SYT9: variants seen among roughly 807,000 people sequenced by gnomAD.
SYT9 encodes the protein synaptotagmin-9.
In SYT9, 22 loss-of-function variants were observed where a neutral mutation model predicts 48.4. The observed-to-expected ratio is 0.45, with a 90% CI of 0.32 to 0.65. The LOEUF is 0.65. Among genes scored for constraint, SYT9 ranks in the 30% least tolerant of loss-of-function variants. SYT9 has a pLI of 0.03. For synonymous variants in SYT9, 265 were observed against 245.0 expected (o/e 1.08, Z -0.76); for missense variants, 577 against 622.0 (o/e 0.93, Z 0.77).
intron 3 of SYT9, among the ~76,000 whole-genome samples, chr11:7,326,640 T>C (rs1564863481): frequency 6.9e-6 from 1 of 144,398 alleles, no homozygotes; most frequent in African/African-American, 2.6e-5. Flanking sequence ...AGAACAAAGC[T>C]GGAGGCATCA....
At chr11:7,432,574 AAAAAAAAAATATATATACATAT>A (rs1564901979) in intron 6 of SYT9, among the ~76,000 whole-genome samples, 11 of 12,628 alleles carry the variant, frequency 8.7e-4, no homozygotes, top group African/African-American at 3.1e-3. Context: ...AAAAAAAAAA[AAAAAAAAAATATATATACATAT>A]ATATATATAT....
intron 5 of SYT9, among the ~76,000 whole-genome samples, chr11:7,418,560 A>G (rs1847293890): frequency 6.6e-6 from 1 of 152,254 alleles, no homozygotes; most frequent in Non-Finnish European, 1.5e-5. Context: ...ATTTCCAAAT[A>G]CATAACTTCA....
rs141181404 is a variant in SYT9, at chr11:7,271,159, C to T, written c.145+18828C>T. Among the ~76,000 whole-genome samples the T allele has an allele frequency of 7.9e-5, 12 of 152,174 alleles. No homozygotes were observed. The East Asian group carries it at 2.3e-3, about 29-fold the overall frequency. ...GAAGTTTGGGAAAAGATGGAGAACA[C>T]ATTTTTTCAATATAAAATAATATAA... On this transcript the variant is annotated intron_variant, in intron 1 of 6. Transcript: ENST00000318881.
At chr11:7,254,121 C>T (rs1847922051) in intron 1 of SYT9, among the ~76,000 whole-genome samples, 1 of 152,178 alleles carries the variant, frequency 6.6e-6, no homozygotes, top group South Asian at 2.1e-4. Context: ...GAGAAAGAGT[C>T]ACTAAGTAGG....
chr11:7,401,236 G>A (rs1250360855), intron 3 of SYT9, among the ~76,000 whole-genome samples: 2 of 151,630 alleles, frequency 1.3e-5, no homozygotes, highest in Non-Finnish European at 2.9e-5. Flanking sequence ...ATGCGTGTAA[G>A]ATATATCTGA....
intron 1 of SYT9, among the ~76,000 whole-genome samples, chr11:7,266,085 T>C (rs1024473071): frequency 6.6e-6 from 1 of 152,144 alleles, no homozygotes; most frequent in African/African-American, 2.4e-5. Context: ...GTTAAACATA[T>C]TTCCATTCTT....
intron 3 of SYT9, among the ~76,000 whole-genome samples, chr11:7,329,261 A>G (rs557890902): frequency 6.6e-6 from 1 of 152,042 alleles, no homozygotes; most frequent in Non-Finnish European, 1.5e-5. Flanking sequence ...ATTTCTTTAC[A>G]TCTGTTTTTG....
Position 7,303,350 on chromosome 11 carries a change from C to T in SYT9, c.457C>T (p.Arg153Cys), listed in dbSNP as rs202241519. 3.4e-5 allele frequency: 55 copies of T among 1,612,368 alleles called. No individual in the cohort carries two copies. The East Asian group carries it at 3.8e-4, about 11-fold the overall frequency. The change falls in exon 2 of 7, where the codon CGC (arginine) becomes TGC (cysteine). Residue 153 changes from arginine (R) to cysteine (C), a missense_variant. Transcript: ENST00000318881. ...CCAGGAGAACTGTGCCCATGGCGTC[C>T]GCGTGCAGCGCCAAGTCACAGAGCC... ...GIQENCAHGV[R>C]VQRQVTEPTS...
chr11:7,433,588 C>T (rs1847650368), intron 6 of SYT9, among the ~76,000 whole-genome samples: 1 of 152,162 alleles, frequency 6.6e-6, no homozygotes, highest in Non-Finnish European at 1.5e-5. Context: ...ACCTAATCCC[C>T]AATGTGCTGG....
intron 3 of SYT9, among the ~76,000 whole-genome samples, chr11:7,362,240 G>A (rs1046246739): frequency 1.3e-5 from 2 of 151,250 alleles, no homozygotes; most frequent in African/African-American, 4.9e-5. Flanking sequence ...CACCTCCTGG[G>A]TTCAAGTGAT....
chr11:7,346,698 T>C (rs1849806637), intron 3 of SYT9, among the ~76,000 whole-genome samples: 1 of 152,224 alleles, frequency 6.6e-6, no homozygotes, highest in Non-Finnish European at 1.5e-5. Context: ...TTTAAAATGT[T>C]TTACTTTTCA....
chr11:7,318,857 G>A (rs1284682222), intron 3 of SYT9, among the ~76,000 whole-genome samples: 1 of 152,098 alleles, frequency 6.6e-6, no homozygotes, highest in Non-Finnish European at 1.5e-5. Flanking sequence ...TTACACTGCT[G>A]AGTTCAGTTT....
chr11:7,357,487 C>A (rs1461490674), intron 3 of SYT9, among the ~76,000 whole-genome samples: 1 of 152,044 alleles, frequency 6.6e-6, no homozygotes, highest in Non-Finnish European at 1.5e-5. Flanking sequence ...TGCAGATGAA[C>A]CGATAGTAAT....
rs146872477 is a variant in SYT9 at position 7,258,584 on chromosome 11, A to C, written c.145+6253A>C. ...GAAAGAAAAAAAAATCTTCTAGGAC[A>C]TCAAGATGACAAAGTGGAATAAGCA... On this transcript the variant is annotated intron_variant, in intron 1 of 6. Transcript: ENST00000318881. 3.3e-3 allele frequency among the ~76,000 whole-genome samples: 496 copies of C among 152,276 alleles called. 4 individuals carry two copies. The highest frequency in any genetic ancestry group is 0.012 in the African/African-American group (488 of 41,570).
At chr11:7,280,123 G>A (rs951070340) in intron 1 of SYT9, among the ~76,000 whole-genome samples, 2 of 152,240 alleles carry the variant, frequency 1.3e-5, no homozygotes, top group Admixed American at 6.5e-5. Context: ...AAATATACAC[G>A]CATACGTTTA....
At chr11:7,460,492 G>A (rs1323743016) in intron 6 of SYT9, among the ~76,000 whole-genome samples, 1 of 152,000 alleles carries the variant, frequency 6.6e-6, no homozygotes, top group African/African-American at 2.4e-5. Context: ...ATCTAATGCA[G>A]GTGTTAAACA....
intron 1 of SYT9, among the ~76,000 whole-genome samples, chr11:7,272,645 G>T (rs1410895234): frequency 6.6e-6 from 1 of 152,120 alleles, no homozygotes; most frequent in East Asian, 1.9e-4. Flanking sequence ...ACCTTTTCGT[G>T]GAGGATACAG....
At chr11:7,420,394 A>C (rs545735977) in intron 5 of SYT9, 112 bp from the exon 6 acceptor site, 6 of 1,398,742 alleles carry the variant, frequency 4.3e-6, no homozygotes, top group African/African-American at 2.9e-5. Flanking sequence ...AAAAACAAAC[A>C]AACAAACAAA....
intron 1 of SYT9, among the ~76,000 whole-genome samples, chr11:7,245,979 C>T (rs929162239): frequency 1.3e-5 from 2 of 152,160 alleles, no homozygotes; most frequent in African/African-American, 4.8e-5. Context: ...GGCAAGTGAA[C>T]CTTACTTTGG....
Sources: allele counts gnomAD v4.1 joint callset (sites outside exome capture counted in the v4.1 genomes callset), GRCh38; gene constraint gnomAD v4.1.1; transcripts MANE v1.5; gene names NCBI Gene and HGNC (gene_info 2026-07-23, HGNC 2026-07-21).